CTSB: variants seen among roughly 807,000 people sequenced by gnomAD.
CTSB encodes cathepsin B, also known as APP secretase.
CTSB carries 57 observed loss-of-function variants against 44.3 expected under a neutral mutation model. That is an observed-to-expected ratio of 1.29 (90% CI 1.04 to 1.60). The LOEUF is 1.60. Ranked by LOEUF, CTSB falls within the 40% of genes most tolerant of loss-of-function variation. CTSB has a pLI of 0.00. For synonymous variants in CTSB, 320 were observed against 168.0 expected, an observed-to-expected ratio of 1.91 and a Z score of -7.00; for missense variants, 768 against 443.0, an observed-to-expected ratio of 1.73 and a Z score of -6.59.
rs1185835438 is a variant in CTSB, at chr8:11,864,910, C to CA, written c.-26+3090dup. ...CCTGGGTGACAGAGTGAAACTGTCT[C>CA]AAAAAAAAAAAGAAAGAAAAAAATG... On this transcript the variant is annotated intron_variant, in intron 1 of 9. Coordinates refer to ENST00000353047, the MANE Select transcript of CTSB (RefSeq NM_001908.5). Among the ~76,000 whole-genome samples the CA allele has an allele frequency of 8.7e-4, 117 of 134,958 alleles. 3 individuals are homozygous for CA. The highest frequency in any genetic ancestry group is 7.5e-4 in the African/African-American group (27 of 35,780). 88.5% of individuals were successfully genotyped at this position (134,958 alleles called of 152,430 possible).
intron 5 of CTSB, 32 bp from the exon 6 acceptor site, chr8:11,848,184 A>G: frequency 6.3e-7 from 1 of 1,588,166 alleles, no homozygotes; most frequent in South Asian, 1.1e-5. Context: ...AAAACCTCTG[A>G]GAGAAGCACC....
rs1813271695 is a variant in CTSB, at chr8:11,846,081, AAT to A, written c.794-294_794-293del. ...ATACATTCTAATTGATAAAACATTT[AAT>A]GCTAGATGACTGATTCATCTGTTCT... On this transcript the variant is annotated intron_variant, in intron 8 of 9. Coordinates refer to ENST00000353047, the MANE Select transcript of CTSB (RefSeq NM_001908.5). 1.3e-5 allele frequency: 3 copies of A among 230,526 alleles called. No individual in the cohort carries two copies. The Admixed American group carries it at 1.7e-4, about 13-fold the overall frequency. The allele number at this position is 230,526 out of a possible 1,614,324, so 14.3% of individuals were successfully genotyped here.
intron 1 of CTSB, among the ~76,000 whole-genome samples, chr8:11,855,160 T>A (rs1455527799): frequency 2.0e-5 from 3 of 152,164 alleles, no homozygotes; most frequent in Non-Finnish European, 4.4e-5. Context: ...GCAGCGGGAT[T>A]ACAGGCATGT....
At chr8:11,847,974 T>A (rs894907197) in intron 6 of CTSB, 93 bp downstream of exon 6, 6 of 1,362,762 alleles carry the variant, frequency 4.4e-6, no homozygotes, top group Non-Finnish European at 5.1e-6. Flanking sequence ...CCCCTCTGTC[T>A]CAACCCCCAG....
rs563235145 is a variant in CTSB, at chr8:11,842,755, G to C, written c.*2370C>G. 18 of 151,772 alleles carry C rather than the reference G, an allele frequency of 1.2e-4. No homozygotes were observed. The highest frequency in any genetic ancestry group is 9.9e-4 in the Admixed American group (15 of 15,222). 9.4% of individuals were successfully genotyped at this position (151,772 alleles called of 1,614,324 possible). ...AGGTTCAAGCGATTCTCGTACCTCA[G>C]CCTCCCGAGTAGCTGGGATTACAGG... is the stretch of plus-strand genomic sequence containing the variant. On this transcript the variant is annotated 3_prime_UTR_variant, in exon 10 of 10. Coordinates refer to ENST00000353047, the MANE Select transcript of CTSB (RefSeq NM_001908.5).
chr8:11,844,855 C>G lies in CTSB; in HGVS notation c.*270G>C. The G allele has an allele frequency of 2.3e-6, 1 of 428,678 alleles. No homozygotes were observed. The highest frequency in any genetic ancestry group is 3.6e-5 in the Admixed American group (1 of 27,890). The allele number at this position is 428,678 out of a possible 1,614,324, so 26.6% of individuals were successfully genotyped here. ...GATGGATCACGGAGGGGGCCACAGT[C>G]AGCTGGGGCAGCAGGTACTCCCTAC... On this transcript the variant is annotated 3_prime_UTR_variant, in exon 10 of 10. Transcript: ENST00000353047.
chr8:11,859,945 G>A (rs1209360705), intron 1 of CTSB, among the ~76,000 whole-genome samples: 1 of 151,640 alleles, frequency 6.6e-6, no homozygotes, highest in African/African-American at 2.4e-5. Context: ...TGGTGGTGCT[G>A]CCTGTAGTCC....
intron 4 of CTSB, among the ~76,000 whole-genome samples, chr8:11,849,788 C>T (rs1333825850): frequency 1.3e-5 from 2 of 151,982 alleles, no homozygotes; most frequent in Admixed American, 1.3e-4. Flanking sequence ...ACCATGTTGG[C>T]CAGGTTGGTC....
At chr8:11,860,629 A>C (rs1426390605) in intron 1 of CTSB, among the ~76,000 whole-genome samples, 1 of 152,152 alleles carries the variant, frequency 6.6e-6, no homozygotes, top group Admixed American at 6.5e-5. Context: ...CGTCTCAAAA[A>C]AACAAAACAA....
intron 1 of CTSB, among the ~76,000 whole-genome samples, chr8:11,860,117 C>A (rs1373553364): frequency 6.6e-6 from 1 of 152,112 alleles, no homozygotes; most frequent in Non-Finnish European, 1.5e-5. Flanking sequence ...GGTCACAGAG[C>A]CCTCAGGTAG....
At chr8:11,848,179 C>T (rs1313877876) in intron 5 of CTSB, 27 bp from the exon 6 acceptor site, 3 of 1,600,842 alleles carry the variant, frequency 1.9e-6, no homozygotes, top group African/African-American at 1.3e-5. Context: ...TAATGAAAAC[C>T]TCTGAGAGAA....
chr8:11,852,108 C>G (rs1049650091), intron 3 of CTSB, among the ~76,000 whole-genome samples: 1 of 152,118 alleles, frequency 6.6e-6, no homozygotes, highest in South Asian at 2.1e-4. Context: ...TGGCTCATGC[C>G]GGTAATCCCA....
Position 11,853,443 on chromosome 8 carries a change from G to A in CTSB, c.12C>T (p.Leu4=), listed in dbSNP as rs764080055. The A allele has an allele frequency of 1.8e-5, 29 of 1,611,788 alleles. No homozygotes were observed. The highest frequency in any genetic ancestry group is 2.5e-5 in the Non-Finnish European group (29 of 1,179,586). MWQ[L]WASLCCLLVL... is the part of the protein sequence containing the mutation. Reference sequence around the variant, plus strand: ...CCAGCAGGCAGCAGAGGGAGGCCCAGAGCTGCCACATGTTGGAAGCCGGAT... The same window carrying A: ...CCAGCAGGCAGCAGAGGGAGGCCCAAAGCTGCCACATGTTGGAAGCCGGAT... The change falls in exon 2 of 10, where the codon CTC becomes CTT. Residue 4 remains leucine (L), a synonymous_variant. Coordinates refer to ENST00000353047, the MANE Select transcript of CTSB (RefSeq NM_001908.5).
intron 1 of CTSB, among the ~76,000 whole-genome samples, chr8:11,854,276 C>T (rs1815131067): frequency 6.6e-6 from 1 of 152,158 alleles, no homozygotes; most frequent in Non-Finnish European, 1.5e-5. Context: ...TCCTGTCAGT[C>T]ACTCCAGGGG....
chr8:11,852,687 G>C lies in CTSB; in HGVS notation c.135C>G (p.His45Gln). ...AGCTCATGTCCACGTTGTAGAAGTTGTGCCCGGCCTGGAAGAGAGTCACCC... is the reference window on the plus strand; with the variant it reads ...AGCTCATGTCCACGTTGTAGAAGTTCTGCCCGGCCTGGAAGAGAGTCACCC... ...NKRNTTWQAG[H>Q]NFYNVDMSYL... Residue 45 changes from histidine to glutamine, a missense_variant, in exon 3 of 10, where the codon CAC (histidine) becomes CAG (glutamine). Transcript: ENST00000353047. The C allele has an allele frequency of 6.2e-7, 1 of 1,613,982 alleles. No homozygotes were observed. Among genetic ancestry groups the C allele is most frequent in the South Asian group, 1.1e-5 (1 of 91,076 alleles).
At chr8:11,848,875 T>C (rs896869951) in intron 5 of CTSB, among the ~76,000 whole-genome samples, 171 bp downstream of exon 5, 1 of 152,052 alleles carries the variant, frequency 6.6e-6, no homozygotes, top group African/African-American at 2.4e-5. Flanking sequence ...TTCAGGCACC[T>C]CCCAGGAAGC....
At chr8:11,860,946 G>A (rs1467419285) in intron 1 of CTSB, among the ~76,000 whole-genome samples, 1 of 152,200 alleles carries the variant, frequency 6.6e-6, no homozygotes. Flanking sequence ...CCTCAATGCT[G>A]GAGCAGCCCT....
In CTSB at chr8:11,844,342, G is replaced by A. The variant is rs939085091; in HGVS notation, c.*783C>T. 3 of 152,188 alleles carry A rather than the reference G, an allele frequency of 2.0e-5. No individual in the cohort carries two copies. The highest frequency in any genetic ancestry group is 2.9e-5 in the Non-Finnish European group (2 of 68,038). The allele number at this position is 152,188 out of a possible 1,614,324, so 9.4% of individuals were successfully genotyped here. On this transcript the variant is annotated 3_prime_UTR_variant, in exon 10 of 10. Coordinates refer to ENST00000353047, the MANE Select transcript of CTSB (RefSeq NM_001908.5). ...CTTCAAGTTGGAGAAAACTTTTATT[G>A]GCACAGGCATTCCTTGTTAACTTGA... is the stretch of plus-strand genomic sequence containing the variant.
rs1033632427 is a variant in CTSB at position 11,849,344 on chromosome 8, C to G, written c.328-180G>C. The G allele has an allele frequency of 8.0e-6, 4 of 499,390 alleles. No individual in the cohort carries two copies. In the Admixed American group the frequency reaches 9.5e-5, roughly 12 times the overall value. 30.9% of individuals were successfully genotyped at this position (499,390 alleles called of 1,614,324 possible). A position where few individuals can be genotyped will look rare whatever the true frequency, so the allele number is the denominator to read the frequency against. On this transcript the variant is annotated intron_variant, in intron 4 of 9. Transcript: ENST00000353047. ...TTTCTTTGGTAGAAATGGGGTCTTG[C>G]TACGTTGGCCAGACTGGTCTTGAAC...
Sources: gnomAD v4.1 joint callset for allele counts (sites outside exome capture counted in the v4.1 genomes callset) on GRCh38, gnomAD v4.1.1 for gene constraint, MANE v1.5 for transcripts, NCBI Gene and HGNC (gene_info 2026-07-23, HGNC 2026-07-21) for gene names.